The following LARGE1 variants were observed in gnomAD, a reference collection of about 807,000 sequenced individuals.
LARGE1 encodes the protein xylosyl- and glucuronyltransferase LARGE1.
LARGE1 carries 43 observed loss-of-function variants against 87.6 expected under a neutral mutation model. The ratio of observed to expected loss-of-function variants is 0.49; its 90% CI spans 0.38 to 0.63. LARGE1 has a LOEUF of 0.63. Among genes scored for constraint, LARGE1 ranks in the 30% least tolerant of loss-of-function variants. LARGE1 has a pLI of 0.00. For missense variants in LARGE1, 802 were observed against 1,000.2 expected (o/e 0.80, Z 2.67); for synonymous variants, 434 against 394.6 (o/e 1.10, Z -1.18).
intron 9 of LARGE1, among the ~76,000 whole-genome samples, chr22:33,354,968 C>G (rs1255454299): frequency 2.0e-5 from 3 of 152,140 alleles, no homozygotes; most frequent in East Asian, 3.8e-4. Flanking sequence ...TTTATTATTA[C>G]TAAATTAACT....
chr22:33,139,081 T>A, the LARGE1 span, among the ~76,000 whole-genome samples: 1 of 152,184 alleles, frequency 6.6e-6, no homozygotes, highest in East Asian at 1.9e-4. Flanking sequence ...AGACATGACA[T>A]GCTCCTCCTT....
rs563646380 is a variant in LARGE1 at position 33,285,644 on chromosome 22, C to A, written c.1731-2296G>T. ...GTCACAAAACAAACAAACAAACAAA[C>A]AAAAAAACCTTGTCCTCCATTGCTG... On this transcript the variant is annotated intron_variant, in intron 12 of 14. Coordinates refer to ENST00000397394, the MANE Select transcript of LARGE1 (RefSeq NM_133642.5). Among the ~76,000 whole-genome samples the A allele has an allele frequency of 5.4e-3, 814 of 151,582 alleles. 3 individuals are homozygous for A. The highest frequency in any genetic ancestry group is 0.017 in the Middle Eastern group (5 of 294).
intron 1 of LARGE1, among the ~76,000 whole-genome samples, chr22:33,906,205 TG>T (rs2065449745): frequency 6.6e-6 from 1 of 152,040 alleles, no homozygotes; most frequent in South Asian, 2.1e-4. Context: ...AAAGGAGGAT[TG>T]GGAGAACCGT....
At chr22:33,669,651 C>T (rs760628661) in intron 2 of LARGE1, among the ~76,000 whole-genome samples, 1 of 152,180 alleles carries the variant, frequency 6.6e-6, no homozygotes, top group Non-Finnish European at 1.5e-5. Context: ...GGGATAAAGC[C>T]CAAGATCTGC....
exon 12 of LARGE1, chr22:33,162,862 C>A (rs1466748337): frequency 6.6e-6 from 1 of 152,172 alleles, no homozygotes; most frequent in Non-Finnish European, 1.5e-5. Context: ...AGATTGTCAC[C>A]AATTAAAAGG....
chr22:33,501,747 C>T (rs1227254409), intron 6 of LARGE1, among the ~76,000 whole-genome samples: 1 of 152,168 alleles, frequency 6.6e-6, no homozygotes, highest in Non-Finnish European at 1.5e-5. Context: ...GTGGGTGATG[C>T]CGTCCTTCGA....
downstream of LARGE1, among the ~76,000 whole-genome samples, chr22:33,271,499 C>T (rs1458367583): frequency 1.3e-5 from 2 of 152,242 alleles, no homozygotes; most frequent in East Asian, 1.9e-4. Context: ...TTCCCCTCCA[C>T]ACTGACTGTT....
At chr22:33,510,467 T>A (rs549623114) in intron 6 of LARGE1, among the ~76,000 whole-genome samples, 1 of 152,352 alleles carries the variant, frequency 6.6e-6, no homozygotes, top group South Asian at 2.1e-4. Context: ...CTCCAGAGGA[T>A]GTGCTAATGA....
At chr22:33,084,599 GAGCCATGAT>G in the LARGE1 span, among the ~76,000 whole-genome samples, 8 of 152,078 alleles carry the variant, frequency 5.3e-5, no homozygotes, top group South Asian at 1.7e-3. Context: ...AGGCTGCAGT[GAGCCATGAT>G]AGCAACACTG....
At chr22:33,680,959 C>T (rs2081750593) in intron 2 of LARGE1, among the ~76,000 whole-genome samples, 3 of 152,186 alleles carry the variant, frequency 2.0e-5, no homozygotes, top group African/African-American at 7.2e-5. Flanking sequence ...TGCAATCATC[C>T]ACCCAGTTAT....
At chr22:33,659,968 G>A (rs1348361829) in intron 2 of LARGE1, among the ~76,000 whole-genome samples, 2 of 151,968 alleles carry the variant, frequency 1.3e-5, no homozygotes, top group Non-Finnish European at 2.9e-5. Context: ...CTATACCTGG[G>A]TTTAGACTAC....
downstream of LARGE1, among the ~76,000 whole-genome samples, chr22:33,271,595 T>C (rs1928247290): frequency 6.6e-6 from 1 of 152,216 alleles, no homozygotes; most frequent in South Asian, 2.1e-4. Flanking sequence ...AAAACATCTG[T>C]GTGACACATT....
intron 11 of LARGE1, among the ~76,000 whole-genome samples, chr22:33,239,840 C>T (rs1926430047): frequency 6.6e-6 from 1 of 152,024 alleles, no homozygotes; most frequent in East Asian, 1.9e-4. Context: ...CTGGCCTGCA[C>T]CCCTTACTAT....
At chr22:33,492,197 G>C (rs1285272537) in intron 6 of LARGE1, among the ~76,000 whole-genome samples, 2 of 152,218 alleles carry the variant, frequency 1.3e-5, no homozygotes, top group African/African-American at 4.8e-5. Flanking sequence ...AGATGCAAGG[G>C]AGGCATGGTG....
At chr22:33,211,651 T>C (rs1924967709) in intron 11 of LARGE1, among the ~76,000 whole-genome samples, 1 of 152,124 alleles carries the variant, frequency 6.6e-6, no homozygotes, top group Admixed American at 6.5e-5. Flanking sequence ...CACACACCTG[T>C]AGTCCCAGCT....
downstream of LARGE1, among the ~76,000 whole-genome samples, chr22:33,158,326 C>T (rs1921927643): frequency 6.6e-6 from 1 of 152,016 alleles, no homozygotes; most frequent in Admixed American, 6.6e-5. Flanking sequence ...AACAACTGCT[C>T]AATTATTGCA....
At chr22:33,444,763 A>G (rs1333116648) in intron 6 of LARGE1, among the ~76,000 whole-genome samples, 1 of 152,188 alleles carries the variant, frequency 6.6e-6, no homozygotes, top group East Asian at 1.9e-4. Flanking sequence ...CATTGCATCT[A>G]TATCAGAATC....
intron 9 of LARGE1, among the ~76,000 whole-genome samples, chr22:33,376,891 G>A (rs573282191): frequency 2.1e-4 from 32 of 152,130 alleles, no homozygotes; most frequent in Non-Finnish European, 4.3e-4. Flanking sequence ...GTAGACAGAC[G>A]AGGAGCACCC....
At chr22:33,106,476 T>G in the LARGE1 span, among the ~76,000 whole-genome samples, 1 of 151,814 alleles carries the variant, frequency 6.6e-6, no homozygotes, top group Non-Finnish European at 1.5e-5. Context: ...CAAAAGTAAT[T>G]GCAGTTTTCG....
Sources: allele counts gnomAD v4.1 joint callset (sites outside exome capture counted in the v4.1 genomes callset), GRCh38; gene constraint gnomAD v4.1.1; transcripts MANE v1.5; gene names NCBI Gene and HGNC (gene_info 2026-07-23, HGNC 2026-07-21).